DDX4: variants seen among roughly 807,000 people sequenced by gnomAD.
DDX4 encodes the protein probable ATP-dependent RNA helicase DDX4.
Under a neutral mutation model 100.0 loss-of-function variants are expected in DDX4, and 25 were observed. The ratio of observed to expected loss-of-function variants is 0.25; its 90% confidence interval spans 0.18 to 0.35. The LOEUF (loss-of-function observed/expected upper bound fraction) is 0.35. DDX4 is among the 10% of genes least tolerant of loss of function. The pLI is 1.00. For missense variants in DDX4, 635 were observed against 882.4 expected (o/e 0.72, Z 3.55); for synonymous variants, 259 against 275.7 (o/e 0.94, Z 0.60).
intron 2 of DDX4, among the ~76,000 whole-genome samples, chr5:55,744,655 A>AT (rs1173226446): frequency 6.6e-6 from 1 of 152,162 alleles, no homozygotes; most frequent in African/African-American, 2.4e-5. Context: ...ATAGTAAATG[A>AT]TTTTCTTTAG....
intron 18 of DDX4, among the ~76,000 whole-genome samples, chr5:55,801,488 T>C (rs1743302223): frequency 6.6e-6 from 1 of 152,162 alleles, no homozygotes; most frequent in Admixed American, 6.5e-5. Context: ...TTGCTATCCA[T>C]TGCAACAGTT....
intron 6 of DDX4, among the ~76,000 whole-genome samples, chr5:55,764,778 T>C (rs1324503851): frequency 6.6e-6 from 1 of 152,154 alleles, no homozygotes; most frequent in East Asian, 1.9e-4. Flanking sequence ...TCTAAGCCAG[T>C]TTTCTGTTCC....
At chr5:55,797,706 T>G (rs1163864526) in intron 17 of DDX4, among the ~76,000 whole-genome samples, 2 of 152,188 alleles carry the variant, frequency 1.3e-5, no homozygotes, top group African/African-American at 4.8e-5. Flanking sequence ...ATTAGCAACT[T>G]TGTCCACTCC....
chr5:55,807,764 T>G (rs1743836344), intron 18 of DDX4, among the ~76,000 whole-genome samples: 1 of 152,210 alleles, frequency 6.6e-6, no homozygotes, highest in African/African-American at 2.4e-5. Context: ...CATTTTTTCC[T>G]TCATTTCAAC....
At chr5:55,742,364 T>A (rs1759026987) in intron 2 of DDX4, 1 of 261,152 alleles carries the variant, frequency 3.8e-6, no homozygotes, top group East Asian at 8.4e-5. Context: ...CTATTTGCCA[T>A]TTTTGTGGCA....
chr5:55,765,971 ATTTTTTTT>A (rs34999279), intron 6 of DDX4, among the ~76,000 whole-genome samples: 3 of 131,396 alleles, frequency 2.3e-5, no homozygotes, highest in South Asian at 4.9e-4. Flanking sequence ...CGCCCGACTA[ATTTTTTTT>A]TTTTTTTTTT....
chr5:55,791,995 G>A (rs1742594126), intron 16 of DDX4, among the ~76,000 whole-genome samples: 1 of 151,988 alleles, frequency 6.6e-6, no homozygotes, highest in African/African-American at 2.4e-5. Flanking sequence ...ATGGGGGCAT[G>A]TGCCTGTAGC....
At position 55,775,629 on chromosome 5, in the gene DDX4, TATA is replaced by T. The variant is rs575786007; in HGVS notation, c.395-4330_395-4328del. 2.7e-4 allele frequency among the ~76,000 whole-genome samples: 41 copies of T among 152,308 alleles called. 1 individual carries two copies. Among genetic ancestry groups the T allele is most frequent in the Non-Finnish European group, 4.1e-4 (28 of 68,018 alleles). Reference sequence around the variant, plus strand: ...CATTTTATTCATTAGTATGTAGAAATATAATAACTATCTGGTAAGTATTTTTTT... The same window carrying T: ...CATTTTATTCATTAGTATGTAGAAATATAACTATCTGGTAAGTATTTTTTT... On this transcript the variant is annotated intron_variant, in intron 7 of 21. Coordinates refer to ENST00000505374, the MANE Select transcript of DDX4 (RefSeq NM_024415.3).
intron 3 of DDX4, among the ~76,000 whole-genome samples, chr5:55,757,643 G>A (rs1760020564): frequency 6.6e-6 from 1 of 152,032 alleles, no homozygotes; most frequent in African/African-American, 2.4e-5. Context: ...GTTACCCTGT[G>A]ACTTTATTGT....
chr5:55,740,672 ATTTTTTTT>A (rs11294945), intron 2 of DDX4, among the ~76,000 whole-genome samples: 31 of 113,626 alleles, frequency 2.7e-4, no homozygotes, highest in Admixed American at 9.1e-5. Context: ...CGCCCCGCTA[ATTTTTTTT>A]TTTTTTTTTT....
At chr5:55,745,901 G>C (rs1263631912) in intron 2 of DDX4, among the ~76,000 whole-genome samples, 2 of 152,126 alleles carry the variant, frequency 1.3e-5, no homozygotes, top group Non-Finnish European at 2.9e-5. Flanking sequence ...ACAGAATCAG[G>C]TGGCCCACCA....
chr5:55,783,600 T>C (rs987711480), intron 10 of DDX4, among the ~76,000 whole-genome samples: 1 of 151,908 alleles, frequency 6.6e-6, no homozygotes, highest in Non-Finnish European at 1.5e-5. Context: ...GTTAGGGTTC[T>C]CCACAAAGAC....
intron 3 of DDX4, among the ~76,000 whole-genome samples, 179 bp from the exon 4 acceptor site, chr5:55,760,021 C>G (rs1580532123): frequency 6.7e-6 from 1 of 148,714 alleles, no homozygotes; most frequent in Non-Finnish European, 1.5e-5. Flanking sequence ...ATTTATTTTT[C>G]TTTAGGAGAA....
At chr5:55,778,967 C>T (rs1741741789) in intron 7 of DDX4, among the ~76,000 whole-genome samples, 4 of 151,420 alleles carry the variant, frequency 2.6e-5, no homozygotes, top group Admixed American at 2.6e-4. Flanking sequence ...TAATATGTTG[C>T]TTAAGGCTAA....
chr5:55,774,641 A>G (rs1000295266), intron 7 of DDX4, among the ~76,000 whole-genome samples: 2 of 152,228 alleles, frequency 1.3e-5, no homozygotes, highest in South Asian at 4.1e-4. Flanking sequence ...TAAGAATTTT[A>G]TAGTTTTAGT....
chr5:55,777,134 C>A (rs573277233), intron 7 of DDX4, among the ~76,000 whole-genome samples: 1 of 151,910 alleles, frequency 6.6e-6, no homozygotes, highest in African/African-American at 2.4e-5. Context: ...CCTAAATATT[C>A]GTGGTGAAAA....
chr5:55,807,341 A>G (rs950297263), intron 18 of DDX4, among the ~76,000 whole-genome samples: 3 of 152,070 alleles, frequency 2.0e-5, no homozygotes, highest in Non-Finnish European at 4.4e-5. Flanking sequence ...TAATATTGTT[A>G]TGTGTGAATT....
Position 55,817,034 on chromosome 5 carries a change from AT to A in DDX4, c.*495del, listed in dbSNP as rs755550601. The A allele has an allele frequency of 6.6e-6, 1 of 152,568 alleles. No homozygotes were observed. Among genetic ancestry groups the A allele is most frequent in the Non-Finnish European group, 1.5e-5 (1 of 68,324 alleles). 9.5% of individuals were successfully genotyped at this position (152,568 alleles called of 1,614,324 possible). ...TGATTTTTAGATCATCAGATGTATGATGAAAATGGTTAAATGTTTGTGATGG... is the reference window on the plus strand; with the variant it reads ...TGATTTTTAGATCATCAGATGTATGAGAAAATGGTTAAATGTTTGTGATGG... On this transcript the variant is annotated 3_prime_UTR_variant, in exon 22 of 22. Transcript: ENST00000505374.
chr5:55,740,208 C>T (rs1242190599), intron 2 of DDX4, among the ~76,000 whole-genome samples: 1 of 152,198 alleles, frequency 6.6e-6, no homozygotes, highest in East Asian at 1.9e-4. Flanking sequence ...CTTGCTCTGT[C>T]ACCCAGGCTG....
Sources: allele counts gnomAD v4.1 joint callset (sites outside exome capture counted in the v4.1 genomes callset), GRCh38; gene constraint gnomAD v4.1.1; transcripts MANE v1.5; gene names NCBI Gene and HGNC (gene_info 2026-07-23, HGNC 2026-07-21).